The following RUNX1 variants were observed in gnomAD, a reference collection of about 807,000 sequenced individuals.
RUNX1 encodes RUNX family transcription factor 1, also known as runt-related transcription factor 1.
In RUNX1, 19 loss-of-function variants were observed where a neutral mutation model predicts 42.8. The ratio of observed to expected loss-of-function variants is 0.44; its 90% CI spans 0.31 to 0.65. RUNX1 has a LOEUF of 0.65. Ranked by LOEUF, RUNX1 falls within the 30% of genes least tolerant of loss-of-function variation. The pLI is 0.07. For missense variants in RUNX1, 528 were observed against 672.0 expected (o/e 0.79, Z 2.37); for synonymous variants, 271 against 289.4 (o/e 0.94, Z 0.64).
intron 3 of RUNX1, chr21:34,888,688 A>G (rs1347651470): frequency 1.6e-5 from 17 of 1,038,794 alleles, no homozygotes; most frequent in South Asian, 4.6e-5. Context: ...CGCTGGCTCT[A>G]TGAATGAGAG....
intron 7 of RUNX1, chr21:34,834,125 C>A (rs2057104260): frequency 1.5e-6 from 1 of 652,936 alleles, no homozygotes; most frequent in Non-Finnish European, 2.8e-6. Context: ...GCTATCTATC[C>A]AATATGGATA....
chr21:34,847,184 T>A (rs573374048), intron 6 of RUNX1, among the ~76,000 whole-genome samples: 1 of 152,352 alleles, frequency 6.6e-6, no homozygotes, highest in Admixed American at 6.5e-5. Flanking sequence ...GAGAAAAGTA[T>A]ATTCATATAA....
chr21:34,798,041 G>C (rs1569007663), intron 8 of RUNX1: 1 of 456,610 alleles, frequency 2.2e-6, no homozygotes. Flanking sequence ...ATTCTGTGAA[G>C]CTCTGAACAG....
At chr21:34,868,966 A>G (rs1441036042) in intron 5 of RUNX1, among the ~76,000 whole-genome samples, 1 of 152,238 alleles carries the variant, frequency 6.6e-6, no homozygotes, top group African/African-American at 2.4e-5. Flanking sequence ...GTCAATGCCC[A>G]ATAAAAGTTT....
intron 3 of RUNX1, among the ~76,000 whole-genome samples, chr21:34,892,318 C>T (rs759175561): frequency 2.0e-5 from 3 of 151,624 alleles, no homozygotes; most frequent in Non-Finnish European, 4.4e-5. Context: ...ACATTTTTTT[C>T]TTCTGAAGTG....
chr21:34,997,284 A>G (rs990817458), intron 2 of RUNX1, among the ~76,000 whole-genome samples: 2 of 152,254 alleles, frequency 1.3e-5, no homozygotes, highest in Non-Finnish European at 2.9e-5. Context: ...ACTGAGTCTT[A>G]ATCCCAAACC....
At chr21:35,035,794 G>C (rs992886033) in intron 2 of RUNX1, among the ~76,000 whole-genome samples, 2 of 152,204 alleles carry the variant, frequency 1.3e-5, no homozygotes, top group African/African-American at 2.4e-5. Context: ...GGGCACAGGT[G>C]GGGGCTGTCC....
At chr21:34,840,861 GC>G (rs1376363616) in intron 6 of RUNX1, among the ~76,000 whole-genome samples, 2 of 152,166 alleles carry the variant, frequency 1.3e-5, no homozygotes, top group Non-Finnish European at 2.9e-5. Context: ...ATTCAAAGGT[GC>G]CCTCCTCTCT....
chr21:35,016,948 G>A (rs1376310672), intron 2 of RUNX1, among the ~76,000 whole-genome samples: 1 of 151,660 alleles, frequency 6.6e-6, no homozygotes, highest in Non-Finnish European at 1.5e-5. Context: ...GTGGCAGGCA[G>A]AGAAGCTCAT....
intron 2 of RUNX1, among the ~76,000 whole-genome samples, chr21:34,955,225 G>A (rs923155958): frequency 6.6e-6 from 1 of 151,936 alleles, no homozygotes; most frequent in Non-Finnish European, 1.5e-5. Flanking sequence ...TGGGTGGGAG[G>A]AAGTCTATTT....
At chr21:34,921,060 T>C (rs2146554684) in intron 2 of RUNX1, among the ~76,000 whole-genome samples, 1 of 152,292 alleles carries the variant, frequency 6.6e-6, no homozygotes, top group South Asian at 2.1e-4. Context: ...GGTTTCACCA[T>C]GTTGGCCAGG....
Position 34,887,012 on chromosome 21 carries a change from G to A in RUNX1, c.182C>T (p.Pro61Leu), listed in dbSNP as rs769213771. 41 of 1,602,222 alleles carry A rather than the reference G, an allele frequency of 2.6e-5. No individual in the cohort carries two copies. Among genetic ancestry groups the A allele is most frequent in the Non-Finnish European group, 3.3e-5 (39 of 1,177,952 alleles). The change falls in exon 4 of 9, where the codon CCG (proline) becomes CTG (leucine). Residue 61 changes from proline to leucine, a missense_variant. Pro to Leu is a moderately conservative substitution (Grantham distance 98). This residue lies in a region of RUNX1 where 114 missense variants were observed against 115.0 expected (regional missense o/e 0.99). Transcript: ENST00000675419. The stretch of plus-strand genomic sequence containing the variant: ...GCCGGCCAGGGCAGCGCCGGCGTCC[G>A]GGGCGCCCAGCGGCAACGCCTCGCT... ...KMSEALPLGA[P>L]DAGAALAGKL...
In RUNX1 at chr21:34,886,988, C is replaced by A. The variant is rs769235124; in HGVS notation, c.206G>T (p.Gly69Val). The change falls in exon 4 of 9, where the codon GGC becomes GTC. Residue 69 changes from glycine to valine, a missense_variant. Physicochemically the swap from Gly to Val is moderately radical, Grantham distance 109 (BLOSUM62 -3). Around this residue, in one of 3 missense-constraint regions of RUNX1, gnomAD observed 114 missense variants for 115.0 expected, o/e 0.99. Transcript: ENST00000675419. ...GAPDAGAALA[G>V]KLRSGDRSMV... ...GCTGCGGTCGCCGCTCCTCAGCTTGCCGGCCAGGGCAGCGCCGGCGTCCGG... is the reference window on the plus strand; with the variant it reads ...GCTGCGGTCGCCGCTCCTCAGCTTGACGGCCAGGGCAGCGCCGGCGTCCGG... 6.2e-7 allele frequency: 1 copy of A among 1,606,692 alleles called. No individual in the cohort carries two copies. Among genetic ancestry groups the A allele is most frequent in the Admixed American group, 1.7e-5 (1 of 59,616 alleles).
intron 7 of RUNX1, chr21:34,834,041 G>T (rs923797612): frequency 1.7e-5 from 7 of 422,102 alleles, no homozygotes; most frequent in South Asian, 1.2e-4. Context: ...GTGTGTCTGC[G>T]TGTGTGTCTT....
chr21:34,844,330 G>T (rs1432976821), intron 6 of RUNX1, among the ~76,000 whole-genome samples: 1 of 152,200 alleles, frequency 6.6e-6, no homozygotes, highest in Non-Finnish European at 1.5e-5. Flanking sequence ...TCCTGGGGTA[G>T]ACAGGCAAGA....
At chr21:34,940,645 G>A (rs1435247772) in intron 2 of RUNX1, among the ~76,000 whole-genome samples, 1 of 152,212 alleles carries the variant, frequency 6.6e-6, no homozygotes, top group Non-Finnish European at 1.5e-5. Flanking sequence ...GCTACATTGA[G>A]TTTTATTCTA....
intron 6 of RUNX1, among the ~76,000 whole-genome samples, chr21:34,848,099 C>T (rs779220435): frequency 5.9e-5 from 9 of 152,304 alleles, no homozygotes; most frequent in East Asian, 5.8e-4. Flanking sequence ...GTGCCCAGCA[C>T]GGTGCTATGC....
At chr21:34,984,832 C>A (rs1402202376) in intron 2 of RUNX1, among the ~76,000 whole-genome samples, 1 of 152,034 alleles carries the variant, frequency 6.6e-6, no homozygotes, top group African/African-American at 2.4e-5. Context: ...GCAGATAGAC[C>A]CCGTCATGTG....
At position 34,968,608 on chromosome 21, in the gene RUNX1, T is replaced by C. The variant is rs567822027; in HGVS notation, c.59-75645A>G. ...GTCCAGCTGATTGTCTATACTAATA[T>C]CAGTACGGGGTGTAGATGAGGACAA... On this transcript the variant is annotated intron_variant, in intron 2 of 8. Transcript: ENST00000675419. Among the ~76,000 whole-genome samples, 23 of 152,068 alleles carry C rather than the reference T, an allele frequency of 1.5e-4. No individual in the cohort carries two copies. In the East Asian group the frequency reaches 4.1e-3, roughly 27 times the overall value.
Sources: gnomAD v4.1 joint callset for allele counts (sites outside exome capture counted in the v4.1 genomes callset) on GRCh38, gnomAD v4.1.1 for gene constraint, gnomAD v4.1.1 regional missense constraint, MANE v1.5 for transcripts, NCBI Gene and HGNC (gene_info 2026-07-23, HGNC 2026-07-21) for gene names.